Variants in CCSER1 observed in about 807,000 individuals in gnomAD.
The protein encoded by CCSER1 is serine-rich coiled-coil domain-containing protein 1.
Under a neutral mutation model 82.0 loss-of-function variants are expected in CCSER1, and 41 were observed. The observed-to-expected ratio is 0.50, with a 90% CI of 0.39 to 0.65. The LOEUF is 0.65. Ranked by LOEUF, CCSER1 falls within the 30% of genes least tolerant of loss-of-function variation. CCSER1 has a pLI of 0.00. For missense variants in CCSER1, 1,119 were observed against 1,064.2 expected, an observed-to-expected ratio of 1.05 and a Z score of -0.72; for synonymous variants, 414 against 383.9, an observed-to-expected ratio of 1.08 and a Z score of -0.92.
At chr4:90,825,699 G>T (rs1306104120) in intron 8 of CCSER1, among the ~76,000 whole-genome samples, 2 of 148,624 alleles carry the variant, frequency 1.3e-5, no homozygotes, top group Non-Finnish European at 3.0e-5. Flanking sequence ...AAAACAATTG[G>T]TATTTTTTTG....
At chr4:90,922,467 A>T (rs1728524359) in intron 8 of CCSER1, among the ~76,000 whole-genome samples, 1 of 152,116 alleles carries the variant, frequency 6.6e-6, no homozygotes, top group Non-Finnish European at 1.5e-5. Context: ...TAACTATCTT[A>T]TTAACCATTC....
chr4:90,530,790 A>T (rs1774409951), intron 5 of CCSER1, among the ~76,000 whole-genome samples: 1 of 152,128 alleles, frequency 6.6e-6, no homozygotes, highest in African/African-American at 2.4e-5. Flanking sequence ...TCAGGGTCTT[A>T]TCTGCTCCTG....
At chr4:90,772,954 G>A (rs1036336079) in intron 7 of CCSER1, among the ~76,000 whole-genome samples, 2 of 152,186 alleles carry the variant, frequency 1.3e-5, no homozygotes, top group African/African-American at 2.4e-5. Flanking sequence ...AAAAATGAGT[G>A]TAGAGGCCAG....
intron 10 of CCSER1, among the ~76,000 whole-genome samples, chr4:91,252,508 T>C (rs1740329736): frequency 6.6e-6 from 1 of 152,214 alleles, no homozygotes; most frequent in Non-Finnish European, 1.5e-5. Flanking sequence ...AGAGACTACA[T>C]AGATTCAGAA....
At chr4:90,655,868 G>A (rs929054989) in intron 6 of CCSER1, among the ~76,000 whole-genome samples, 2 of 151,866 alleles carry the variant, frequency 1.3e-5, no homozygotes, top group African/African-American at 4.8e-5. Context: ...AAAATAGTAT[G>A]CCCTAAATTC....
intron 10 of CCSER1, among the ~76,000 whole-genome samples, chr4:91,529,328 G>C (rs1485179103): frequency 6.6e-6 from 1 of 151,912 alleles, no homozygotes; most frequent in Non-Finnish European, 1.5e-5. Flanking sequence ...TAGCCATGAG[G>C]GTAATTTTGT....
intron 10 of CCSER1, among the ~76,000 whole-genome samples, chr4:91,124,304 G>T (rs1272745254): frequency 6.6e-6 from 1 of 151,710 alleles, no homozygotes; most frequent in African/African-American, 2.4e-5. Flanking sequence ...TAAAACAAGA[G>T]AAATTCTGCA....
At chr4:91,279,541 G>C (rs1742749681) in intron 10 of CCSER1, among the ~76,000 whole-genome samples, 1 of 151,690 alleles carries the variant, frequency 6.6e-6, no homozygotes, top group Non-Finnish European at 1.5e-5. Flanking sequence ...TCAAAGCTTT[G>C]AGCATTTTGT....
At chr4:90,923,317 T>G in intron 8 of CCSER1, 53 bp from the exon 9 acceptor site, 1 of 1,205,316 alleles carries the variant, frequency 8.3e-7, no homozygotes, top group Non-Finnish European at 1.2e-6. Context: ...AATATTAGTG[T>G]AGAAGTACAC....
At chr4:90,610,758 T>G (rs1785362292) in intron 5 of CCSER1, among the ~76,000 whole-genome samples, 1 of 152,220 alleles carries the variant, frequency 6.6e-6, no homozygotes, top group South Asian at 2.1e-4. Context: ...ATTATCAAAT[T>G]TATTAATATG....
At chr4:90,839,278 T>C (rs1304075995) in intron 8 of CCSER1, among the ~76,000 whole-genome samples, 1 of 152,240 alleles carries the variant, frequency 6.6e-6, no homozygotes, top group African/African-American at 2.4e-5. Flanking sequence ...CAGTTAATTC[T>C]ATCACACACT....
chr4:90,650,692 T>A (rs1285375001), intron 6 of CCSER1, among the ~76,000 whole-genome samples: 3 of 152,184 alleles, frequency 2.0e-5, no homozygotes, highest in Non-Finnish European at 4.4e-5. Flanking sequence ...CTACATATTT[T>A]TTACACCATC....
chr4:90,260,897 G>A (rs1724212128), intron 1 of CCSER1, among the ~76,000 whole-genome samples: 1 of 152,026 alleles, frequency 6.6e-6, no homozygotes, highest in South Asian at 2.1e-4. Flanking sequence ...TCTATTTTTA[G>A]TAGAAACGGA....
In CCSER1 at chr4:90,928,449, A is replaced by T. The variant is rs193055071; in HGVS notation, c.2172+5002A>T. ...AGCCAGCTCCATTCTAGGTCCTTGG[A>T]ATATATCCTTTAACCAAACAAAAAA... On this transcript the variant is annotated intron_variant, in intron 9 of 10. Coordinates refer to ENST00000509176, the MANE Select transcript of CCSER1 (RefSeq NM_001145065.2). 6.5e-4 allele frequency among the ~76,000 whole-genome samples: 99 copies of T among 152,234 alleles called. 1 individual carries two copies. The highest frequency in any genetic ancestry group is 2.2e-3 in the African/African-American group (91 of 41,574).
At chr4:91,560,344 T>C (rs1762597297) in intron 10 of CCSER1, among the ~76,000 whole-genome samples, 1 of 151,556 alleles carries the variant, frequency 6.6e-6, no homozygotes, top group African/African-American at 2.4e-5. Flanking sequence ...GTTTTTCCTT[T>C]TGAAGCTTGA....
chr4:91,455,049 G>A (rs1306465922), intron 10 of CCSER1, among the ~76,000 whole-genome samples: 1 of 151,932 alleles, frequency 6.6e-6, no homozygotes, highest in African/African-American at 2.4e-5. Flanking sequence ...TGTAATTGCT[G>A]GATCATGTTT....
intron 9 of CCSER1, among the ~76,000 whole-genome samples, chr4:91,043,288 A>G (rs936885693): frequency 6.6e-6 from 1 of 152,098 alleles, no homozygotes; most frequent in Non-Finnish European, 1.5e-5. Context: ...ATCAATAATA[A>G]AACTCCCCAA....
chr4:90,943,879 T>TA (rs1731907023), intron 9 of CCSER1, among the ~76,000 whole-genome samples: 2 of 151,574 alleles, frequency 1.3e-5, no homozygotes, highest in Admixed American at 1.3e-4. Context: ...CCCAGCCTGT[T>TA]ACTTTTGTAT....
intron 9 of CCSER1, among the ~76,000 whole-genome samples, chr4:91,060,085 C>G (rs1421692769): frequency 2.6e-5 from 4 of 152,044 alleles, no homozygotes; most frequent in Non-Finnish European, 5.9e-5. Flanking sequence ...GTATCTGATT[C>G]AGGAGAATTT....
Sources: allele counts gnomAD v4.1 joint callset (sites outside exome capture counted in the v4.1 genomes callset), GRCh38; gene constraint gnomAD v4.1.1; transcripts MANE v1.5; gene names NCBI Gene and HGNC (gene_info 2026-07-23, HGNC 2026-07-21).